CDKL4: variants seen among roughly 807,000 people sequenced by gnomAD.
CDKL4 encodes cyclin dependent kinase like 4, also known as cyclin-dependent kinase-like 4.
CDKL4 carries 44 observed loss-of-function variants against 42.0 expected under a neutral mutation model. That is an observed-to-expected ratio of 1.05 (90% confidence interval 0.82 to 1.35). The LOEUF (loss-of-function observed/expected upper bound fraction) is 1.35. CDKL4 is among the 40% of genes most tolerant of loss of function. The probability of loss-of-function intolerance (pLI) is 0.00; values close to 1 mark genes in which losing one functional copy is unlikely to be tolerated. For synonymous variants in CDKL4, 120 were observed against 121.6 expected (o/e 0.99, Z 0.09); for missense variants, 393 against 369.9 (o/e 1.06, Z -0.51).
chr2:39,179,604 C>G (rs1675322048), intron 8 of CDKL4, among the ~76,000 whole-genome samples: 1 of 152,204 alleles, frequency 6.6e-6, no homozygotes, highest in African/African-American at 2.4e-5. Context: ...CTGCTGAAAG[C>G]AAATCGTTTA....
intron 5 of CDKL4, among the ~76,000 whole-genome samples, chr2:39,199,655 T>G (rs1484258054): frequency 6.6e-6 from 1 of 152,200 alleles, no homozygotes; most frequent in Non-Finnish European, 1.5e-5. Flanking sequence ...CAAGTGGATT[T>G]CATACCAGGG....
At chr2:39,229,089 T>G (rs1261850700) in intron 2 of CDKL4, among the ~76,000 whole-genome samples, 2 of 151,978 alleles carry the variant, frequency 1.3e-5, no homozygotes, top group African/African-American at 4.8e-5. Context: ...AGGGCCAGGG[T>G]TGGGGGCGAG....
chr2:39,176,045 C>T (rs1308299369), exon 10 of CDKL4: 1 of 470,862 alleles, frequency 2.1e-6, no homozygotes, highest in South Asian at 1.6e-5. Context: ...TGTTTTCTTC[C>T]ATCAGGTGTG....
At chr2:39,213,378 T>C in intron 4 of CDKL4, 22 bp downstream of exon 4, 2 of 1,414,296 alleles carry the variant, frequency 1.4e-6, no homozygotes, top group Non-Finnish European at 2.0e-6. Context: ...AATGAATAAA[T>C]ACATTAGAAA....
exon 3 of CDKL4, chr2:39,225,958 T>A (rs1188110230): frequency 6.2e-7 from 1 of 1,608,644 alleles, no homozygotes; most frequent in Non-Finnish European, 8.5e-7. Context: ...GATGTTTTAA[T>A]TGCTGTGAAA....
chr2:39,232,226 C>T (rs1404659078), intron 1 of CDKL4, among the ~76,000 whole-genome samples: 1 of 152,122 alleles, frequency 6.6e-6, no homozygotes, highest in Non-Finnish European at 1.5e-5. Context: ...AGTACTTCAC[C>T]TAGTAACCAC....
intron 5 of CDKL4, among the ~76,000 whole-genome samples, chr2:39,199,796 G>A (rs1676740829): frequency 6.6e-6 from 1 of 152,128 alleles, no homozygotes; most frequent in African/African-American, 2.4e-5. Flanking sequence ...ATTGCTTTAT[G>A]ATGAAAACCC....
intron 4 of CDKL4, among the ~76,000 whole-genome samples, chr2:39,205,906 C>A (rs142941052): frequency 2.6e-5 from 4 of 152,274 alleles, no homozygotes; most frequent in Non-Finnish European, 5.9e-5. Flanking sequence ...GCATTCCGCG[C>A]CAGGGGATGG....
At chr2:39,229,555 A>G (rs770405532) in exon 2 of CDKL4, 2 of 1,573,628 alleles carry the variant, frequency 1.3e-6, no homozygotes, top group East Asian at 4.5e-5. Flanking sequence ...GACTTAAATT[A>G]TTGTATCGAT....
At chr2:39,180,658 T>C (rs1196022697) in intron 8 of CDKL4, among the ~76,000 whole-genome samples, 2 of 151,724 alleles carry the variant, frequency 1.3e-5, no homozygotes, top group African/African-American at 2.4e-5. Context: ...ATCCTAGTAC[T>C]GTTAGGGCTA....
upstream of CDKL4, among the ~76,000 whole-genome samples, chr2:39,244,608 C>A (rs1181820572): frequency 6.6e-6 from 1 of 152,212 alleles, no homozygotes; most frequent in African/African-American, 2.4e-5. Flanking sequence ...GAGTGCCACC[C>A]CCTGCTCCAC....
At chr2:39,173,491 A>G (rs2148272136), downstream of CDKL4, among the ~76,000 whole-genome samples, 1 of 152,158 alleles carries the variant, frequency 6.6e-6, no homozygotes, top group East Asian at 1.9e-4. Context: ...AGCCTGGGCA[A>G]TATACCAAGA....
chr2:39,226,433 A>ATT (rs1489041012), intron 2 of CDKL4, among the ~76,000 whole-genome samples: 1 of 141,652 alleles, frequency 7.1e-6, no homozygotes, highest in Non-Finnish European at 1.5e-5. Context: ...ATATTTATAT[A>ATT]AATTATATAT....
chr2:39,219,144 CT>C (rs1678147488), intron 3 of CDKL4, among the ~76,000 whole-genome samples: 1 of 152,208 alleles, frequency 6.6e-6, no homozygotes, highest in African/African-American at 2.4e-5. Context: ...CTCAATTAAG[CT>C]TGTTTCTCTG....
At chr2:39,210,903 A>C (rs557519396) in intron 4 of CDKL4, among the ~76,000 whole-genome samples, 1 of 152,346 alleles carries the variant, frequency 6.6e-6, no homozygotes, top group South Asian at 2.1e-4. Context: ...TAACCTAATA[A>C]AAACTTCACT....
At chr2:39,216,774 G>A (rs1428664727) in intron 3 of CDKL4, among the ~76,000 whole-genome samples, 3 of 152,166 alleles carry the variant, frequency 2.0e-5, no homozygotes, top group African/African-American at 7.2e-5. Flanking sequence ...CAAGGTAGGG[G>A]CTAGGATTGA....
At chr2:39,240,782 G>A (rs1011573747) in intron 1 of CDKL4, among the ~76,000 whole-genome samples, 2 of 151,786 alleles carry the variant, frequency 1.3e-5, no homozygotes, top group Non-Finnish European at 2.9e-5. Flanking sequence ...TCCATTACAG[G>A]AAATTTCTAG....
chr2:39,186,548 G>C (rs1408673754), intron 7 of CDKL4, among the ~76,000 whole-genome samples: 1 of 152,212 alleles, frequency 6.6e-6, no homozygotes, highest in Non-Finnish European at 1.5e-5. Context: ...GCAAGAGAGA[G>C]AGTCAAATAG....
chr2:39,189,444 C>T (rs1049910193), intron 6 of CDKL4, among the ~76,000 whole-genome samples: 1 of 152,208 alleles, frequency 6.6e-6, no homozygotes, highest in Non-Finnish European at 1.5e-5. Flanking sequence ...ACTTCCTTAA[C>T]AGGTTTTTCT....
Sources: allele counts gnomAD v4.1 joint callset (sites outside exome capture counted in the v4.1 genomes callset), GRCh38; gene constraint gnomAD v4.1.1; transcripts MANE v1.5; gene names NCBI Gene and HGNC (gene_info 2026-07-23, HGNC 2026-07-21).